PARP16: variants seen among roughly 807,000 people sequenced by gnomAD.
The protein encoded by PARP16 is protein mono-ADP-ribosyltransferase PARP16.
A neutral mutation model predicts 35.0 loss-of-function variants in PARP16; 31 were observed. The ratio of observed to expected loss-of-function variants is 0.88; its 90% CI spans 0.66 to 1.19. The LOEUF (loss-of-function observed/expected upper bound fraction) is 1.19, where lower values mean the gene tolerates loss of function less well. PARP16 is among the 50% of genes most tolerant of loss of function. The probability of loss-of-function intolerance (pLI) is 0.00; values close to 1 mark genes in which losing one functional copy is unlikely to be tolerated. For synonymous variants in PARP16, 162 were observed against 169.5 expected, an observed-to-expected ratio of 0.96 and a Z score of 0.34; for missense variants, 424 against 411.2, an observed-to-expected ratio of 1.03 and a Z score of -0.27.
At chr15:65,240,041 G>T (rs2089011441) in intron 3 of PARP16, among the ~76,000 whole-genome samples, 1 of 143,374 alleles carries the variant, frequency 7.0e-6, no homozygotes, top group Admixed American at 7.3e-5. Context: ...CACTGCAACT[G>T]CAGCCTTGAC....
chr15:65,256,581 G>A (rs2089516741), downstream of PARP16, among the ~76,000 whole-genome samples: 1 of 151,812 alleles, frequency 6.6e-6, no homozygotes. Flanking sequence ...CTAATTTTTT[G>A]TATTTTTAGT....
chr15:65,259,546 C>T lies in PARP16; in HGVS notation c.834-4G>A. The stretch of plus-strand genomic sequence containing the variant: ...CCAGGAGAGCTGGCTCGAAGCCCTG[C>T]TTAAGAGGGAAAAAAGAGTGGTGTT... On this transcript the variant is annotated splice_region_variant and splice_polypyrimidine_tract_variant and intron_variant, in intron 5 of 5. Coordinates refer to ENST00000649807, the MANE Select transcript of PARP16 (RefSeq NM_001316943.2). 1 of 1,613,010 alleles carries T rather than the reference C, an allele frequency of 6.2e-7. No homozygotes were observed. Among genetic ancestry groups the T allele is most frequent in the Non-Finnish European group, 8.5e-7 (1 of 1,179,584 alleles).
At chr15:65,263,587 T>C (rs1375621573) in intron 3 of PARP16, among the ~76,000 whole-genome samples, 1 of 152,104 alleles carries the variant, frequency 6.6e-6, no homozygotes, top group Non-Finnish European at 1.5e-5. Flanking sequence ...CAAGGTTGAG[T>C]GAGAAAAACA....
At chr15:65,284,689 T>C (rs1019967055) in intron 1 of PARP16, among the ~76,000 whole-genome samples, 1 of 152,110 alleles carries the variant, frequency 6.6e-6, no homozygotes, top group African/African-American at 2.4e-5. Context: ...TAGCCTCTTT[T>C]TTAATACTCT....
Position 65,250,106 on chromosome 15 carries a change from C to CTTTTTTTTTTTTT in PARP16, c.203-1879_203-1878insAAAAAAAAAAAAA, listed in dbSNP as rs1567013240. Among the ~76,000 whole-genome samples, 3 of 104,196 alleles carry CTTTTTTTTTTTTT rather than the reference C, an allele frequency of 2.9e-5. 1 individual carries two copies. Among genetic ancestry groups the CTTTTTTTTTTTTT allele is most frequent in the Non-Finnish European group, 1.9e-5 (1 of 53,200 alleles). The allele number at this position is 104,196 out of a possible 152,430, so 68.4% of individuals were successfully genotyped here. A position where few individuals can be genotyped will look rare whatever the true frequency, so the allele number is the denominator to read the frequency against. ...CTAGCTGCAGCCTTGCACCTGCTTGCCTTTTTTTTTTTTTTTTTTTTTTTT... is the reference window on the plus strand; with the variant it reads ...CTAGCTGCAGCCTTGCACCTGCTTGCTTTTTTTTTTTTTCTTTTTTTTTTTTTTTTTTTTTTTT... On this transcript the variant is annotated intron_variant and NMD_transcript_variant, in intron 2 of 3. Coordinates refer to the PARP16 transcript ENST00000559805.
chr15:65,247,966 G>A (rs1243381669), intron 3 of PARP16, among the ~76,000 whole-genome samples: 3 of 151,928 alleles, frequency 2.0e-5, no homozygotes, highest in Non-Finnish European at 4.4e-5. Context: ...CACCACGCCC[G>A]GCTAATTTTC....
Position 65,250,266 on chromosome 15 carries a change from C to T in PARP16, c.203-2038G>A, listed in dbSNP as rs149752542. On this transcript the variant is annotated intron_variant and NMD_transcript_variant, in intron 2 of 3. Transcript: ENST00000559805. ...CCCAGTAGCTGGGATTACAGGCGCG[C>T]GCCACCATGCCCAGCTGATTTTTGT... Among the ~76,000 whole-genome samples, 1,384 of 151,886 alleles carry T rather than the reference C, an allele frequency of 9.1e-3. 20 individuals are homozygous for T. Among genetic ancestry groups the T allele is most frequent in the African/African-American group, 0.032 (1,321 of 41,394 alleles).
intron 3 of PARP16, among the ~76,000 whole-genome samples, chr15:65,240,312 TGG>T (rs1183574054): frequency 0.076 from 7,745 of 102,218 alleles, 450 homozygotes; most frequent in Admixed American, 0.2. Context: ...GTGTGTGTGG[TGG>T]GGGGGGCTAG....
intron 2 of PARP16, among the ~76,000 whole-genome samples, chr15:65,249,101 C>T (rs1329234924): frequency 6.6e-6 from 1 of 152,232 alleles, no homozygotes; most frequent in Non-Finnish European, 1.5e-5. Context: ...AACACTCCTG[C>T]TTCTCTGCAA....
chr15:65,233,166 C>T (rs1269623547), downstream of PARP16, among the ~76,000 whole-genome samples: 1 of 152,220 alleles, frequency 6.6e-6, no homozygotes, highest in East Asian at 1.9e-4. Context: ...GTATTCCCAG[C>T]ACTTTGGGAG....
intron 3 of PARP16, among the ~76,000 whole-genome samples, chr15:65,243,701 G>T (rs1205979773): frequency 6.6e-6 from 1 of 151,918 alleles, no homozygotes; most frequent in South Asian, 2.1e-4. Context: ...ACTAGTGAAG[G>T]CATCTGGGCC....
chr15:65,259,465 A>ATGAGCAGCAGCAGCAGATAC lies in PARP16; in HGVS notation c.891_910dup (p.Ile304SerfsTer8). ...AGCAGAGGAGTTGATGACACTCACT[A>ATGAGCAGCAGCAGCAGATAC]TGAGCAGCAGCAGCAGATACAGGGA... On this transcript the variant is annotated frameshift_variant, in exon 6 of 6. Coordinates refer to ENST00000649807, the MANE Select transcript of PARP16 (RefSeq NM_001316943.2). LOFTEE classifies it high-confidence loss of function. 1 of 1,613,952 alleles carries ATGAGCAGCAGCAGCAGATAC rather than the reference A, an allele frequency of 6.2e-7. No homozygotes were observed. The highest frequency in any genetic ancestry group is 8.5e-7 in the Non-Finnish European group (1 of 1,179,776).
intron 2 of PARP16, among the ~76,000 whole-genome samples, chr15:65,249,514 C>A (rs2089297309): frequency 6.6e-6 from 1 of 152,230 alleles, no homozygotes. Flanking sequence ...TTCCTTCTCC[C>A]TTGTACCCAC....
intron 1 of PARP16, among the ~76,000 whole-genome samples, chr15:65,279,877 C>T (rs1466612906): frequency 1.3e-5 from 2 of 151,342 alleles, no homozygotes; most frequent in Non-Finnish European, 1.5e-5. Flanking sequence ...GGGGCTCAGA[C>T]GTCAGGGTTT....
chr15:65,248,604 C>T (rs1284122995), intron 2 of PARP16, among the ~76,000 whole-genome samples: 1 of 152,192 alleles, frequency 6.6e-6, no homozygotes, highest in Admixed American at 6.5e-5. Context: ...CACACAAACC[C>T]ACCCTGATCT....
At chr15:65,243,131 T>C (rs993632116) in intron 3 of PARP16, among the ~76,000 whole-genome samples, 2 of 152,242 alleles carry the variant, frequency 1.3e-5, no homozygotes, top group South Asian at 2.1e-4. Flanking sequence ...ATATTTTTCT[T>C]CCTATATTGC....
chr15:65,274,249 T>C (rs2090182088), intron 1 of PARP16, among the ~76,000 whole-genome samples: 1 of 150,514 alleles, frequency 6.6e-6, no homozygotes, highest in Non-Finnish European at 1.5e-5. Flanking sequence ...CAGCATACTT[T>C]TTTTTTTTTT....
chr15:65,267,750 C>T (rs1251882866), intron 2 of PARP16, among the ~76,000 whole-genome samples: 1 of 121,162 alleles, frequency 8.3e-6, no homozygotes, highest in Non-Finnish European at 1.6e-5. Context: ...GCAGTGACGC[C>T]ATCTCAGCTC....
rs753411150 is a variant in PARP16 at position 65,266,716 on chromosome 15, G to A, written c.365C>T (p.Pro122Leu). ...TGAPHTPVPA[P>L]DFLFEIEYFD... The stretch of plus-strand genomic sequence containing the variant: ...GTACTCAATTTCAAACAGGAAGTCC[G>A]GTGCAGGAACAGGCGTGTGAGGAGC... The change falls in exon 3 of 6, where the codon CCG (proline) becomes CTG (leucine). Residue 122 changes from proline to leucine, a missense_variant. By Grantham distance (98) the Pro-to-Leu change is moderately conservative. Coordinates refer to ENST00000649807, the MANE Select transcript of PARP16 (RefSeq NM_001316943.2). 19 of 1,613,948 alleles carry A rather than the reference G, an allele frequency of 1.2e-5. No homozygotes were observed. Among genetic ancestry groups the A allele is most frequent in the East Asian group, 6.7e-5 (3 of 44,896 alleles).
Sources: allele counts gnomAD v4.1 joint callset (sites outside exome capture counted in the v4.1 genomes callset), GRCh38; gene constraint gnomAD v4.1.1; transcripts MANE v1.5; gene names NCBI Gene and HGNC (gene_info 2026-07-23, HGNC 2026-07-21).